CNTNAP2: variants seen among roughly 807,000 people sequenced by gnomAD.
The protein encoded by CNTNAP2 is contactin associated protein 2.
CNTNAP2 carries 98 observed loss-of-function variants against 155.2 expected under a neutral mutation model. That is an observed-to-expected ratio of 0.63 (90% CI 0.54 to 0.75). The LOEUF (loss-of-function observed/expected upper bound fraction) is 0.75, where lower values mean the gene tolerates loss of function less well. Ranked by LOEUF, CNTNAP2 falls within the 30% of genes least tolerant of loss-of-function variation. CNTNAP2 has a pLI of 0.00. For synonymous variants in CNTNAP2, 651 were observed against 631.2 expected, an observed-to-expected ratio of 1.03 and a Z score of -0.47; for missense variants, 1,727 against 1,688.1, an observed-to-expected ratio of 1.02 and a Z score of -0.40.
chr7:147,540,779 C>T (rs1799624659), intron 11 of CNTNAP2, among the ~76,000 whole-genome samples: 1 of 151,468 alleles, frequency 6.6e-6, no homozygotes, highest in Admixed American at 6.6e-5. Flanking sequence ...CGCAATGAGC[C>T]GAGATGGTGC....
At chr7:148,106,493 G>GAGATAGAT (rs1554472856) in intron 15 of CNTNAP2, among the ~76,000 whole-genome samples, 2 of 124,926 alleles carry the variant, frequency 1.6e-5, no homozygotes, top group African/African-American at 6.9e-5. Context: ...CACACTTTGA[G>GAGATAGAT]ATATATATAT....
At chr7:147,670,707 A>G (rs1191323445) in intron 13 of CNTNAP2, among the ~76,000 whole-genome samples, 1 of 152,162 alleles carries the variant, frequency 6.6e-6, no homozygotes, top group African/African-American at 2.4e-5. Flanking sequence ...TCCAACTGAA[A>G]GCCACTTCCA....
At chr7:147,556,653 A>G (rs900152082) in intron 11 of CNTNAP2, among the ~76,000 whole-genome samples, 2 of 152,204 alleles carry the variant, frequency 1.3e-5, no homozygotes, top group Non-Finnish European at 2.9e-5. Context: ...TGTGGCCTCT[A>G]TAATCTGGAA....
intron 13 of CNTNAP2, among the ~76,000 whole-genome samples, chr7:147,870,588 T>C (rs1311246293): frequency 6.6e-6 from 1 of 152,164 alleles, no homozygotes; most frequent in Non-Finnish European, 1.5e-5. Context: ...AGAGAAAACA[T>C]GCTCAACCCC....
chr7:146,984,906 C>G (rs73463256), intron 3 of CNTNAP2, among the ~76,000 whole-genome samples: 3,565 of 152,206 alleles, frequency 0.023, 76 homozygotes, highest in African/African-American at 0.057. Context: ...TTTAAGTAGA[C>G]ATTTAATTTT....
At chr7:147,136,911 T>C (rs1801491581) in intron 8 of CNTNAP2, among the ~76,000 whole-genome samples, 1 of 151,930 alleles carries the variant, frequency 6.6e-6, no homozygotes, top group South Asian at 2.1e-4. Context: ...ACTAAATGTT[T>C]CAGCATTACT....
intron 1 of CNTNAP2, among the ~76,000 whole-genome samples, chr7:146,346,025 C>T (rs373197744): frequency 6.6e-6 from 1 of 152,162 alleles, no homozygotes; most frequent in East Asian, 1.9e-4. Context: ...GATGAAAGCA[C>T]TGTTCTCACA....
At chr7:147,489,089 G>GA (rs1798560832) in intron 11 of CNTNAP2, among the ~76,000 whole-genome samples, 1 of 152,208 alleles carries the variant, frequency 6.6e-6, no homozygotes, top group Non-Finnish European at 1.5e-5. Flanking sequence ...TTTTATGGCA[G>GA]ATTTGGACTG....
At chr7:147,960,134 T>A (rs1650052588) in intron 14 of CNTNAP2, among the ~76,000 whole-genome samples, 1 of 152,088 alleles carries the variant, frequency 6.6e-6, no homozygotes, top group Non-Finnish European at 1.5e-5. Context: ...ATCAGAGTCA[T>A]GGAGTGGTTA....
chr7:148,121,893 T>A (rs547075102), intron 16 of CNTNAP2, among the ~76,000 whole-genome samples: 17 of 152,334 alleles, frequency 1.1e-4, no homozygotes, highest in African/African-American at 4.1e-4. Flanking sequence ...AATGAGTATT[T>A]ACTGAGTATC....
At chr7:148,267,663 A>AG (rs1478465966) in intron 21 of CNTNAP2, among the ~76,000 whole-genome samples, 1 of 151,406 alleles carries the variant, frequency 6.6e-6, no homozygotes, top group East Asian at 1.9e-4. Context: ...TCAAAAAAAA[A>AG]AAAAAAAAAC....
chr7:148,265,480 G>T (rs1215168575), intron 20 of CNTNAP2, among the ~76,000 whole-genome samples: 1 of 152,210 alleles, frequency 6.6e-6, no homozygotes, highest in African/African-American at 2.4e-5. Context: ...TCACTATATT[G>T]CCCAGGCTGG....
At chr7:146,455,528 G>A (rs543592735) in intron 1 of CNTNAP2, among the ~76,000 whole-genome samples, 101 of 152,142 alleles carry the variant, frequency 6.6e-4, no homozygotes, top group Non-Finnish European at 1.4e-3. Context: ...CAGGCATCTG[G>A]TTAAGGACAC....
intron 1 of CNTNAP2, among the ~76,000 whole-genome samples, chr7:146,334,011 T>C (rs976677593): frequency 1.3e-5 from 2 of 152,152 alleles, no homozygotes; most frequent in African/African-American, 4.8e-5. Flanking sequence ...TAAAATAAGT[T>C]TGATGAATAG....
chr7:146,950,732 T>C (rs1284991417), intron 3 of CNTNAP2, among the ~76,000 whole-genome samples: 2 of 152,304 alleles, frequency 1.3e-5, no homozygotes, highest in South Asian at 2.1e-4. Context: ...TTTGCTATTG[T>C]GGATAGTGCT....
At chr7:146,524,728 G>A (rs801962) in intron 1 of CNTNAP2, among the ~76,000 whole-genome samples, 4,314 of 152,084 alleles carry the variant, frequency 0.028, 200 homozygotes, top group African/African-American at 0.098. Flanking sequence ...CTCTTTAGGA[G>A]ATATAAGAAC....
intron 8 of CNTNAP2, among the ~76,000 whole-genome samples, chr7:147,194,669 T>C (rs895009502): frequency 6.6e-6 from 1 of 152,242 alleles, no homozygotes; most frequent in African/African-American, 2.4e-5. Flanking sequence ...ATTTCTCTGA[T>C]GATCAGTGAC....
intron 3 of CNTNAP2, among the ~76,000 whole-genome samples, chr7:146,872,162 A>ATTTTTTTTTTTTTTTTT (rs144291754): frequency 9.0e-6 from 1 of 111,532 alleles, no homozygotes; most frequent in Non-Finnish European, 1.8e-5. Flanking sequence ...AAATTATTGA[A>ATTTTTTTTTTTTTTTTT]TTTTTTTTTT....
At chr7:146,795,934 T>C (rs9690167) in intron 2 of CNTNAP2, among the ~76,000 whole-genome samples, 62,416 of 152,000 alleles carry the variant, frequency 0.41, 16,097 homozygotes, top group African/African-American at 0.73. Flanking sequence ...TCAAAGCATA[T>C]GCTACATTTT....
Sources: allele counts gnomAD v4.1 joint callset (sites outside exome capture counted in the v4.1 genomes callset), GRCh38; gene constraint gnomAD v4.1.1; transcripts MANE v1.5; gene names NCBI Gene and HGNC (gene_info 2026-07-23, HGNC 2026-07-21).